The following PAPPA variants were observed in gnomAD, a reference collection of about 807,000 sequenced individuals.
The protein encoded by PAPPA is pappalysin-1.
Under a neutral mutation model 164.0 loss-of-function variants are expected in PAPPA, and 60 were observed. That is an observed-to-expected ratio of 0.37 (90% confidence interval 0.30 to 0.45). The LOEUF (loss-of-function observed/expected upper bound fraction) is 0.45, where lower values mean the gene tolerates loss of function less well. Ranked by LOEUF, PAPPA falls within the 20% of genes least tolerant of loss-of-function variation. PAPPA has a pLI of 1.00. For synonymous variants in PAPPA, 875 were observed against 814.1 expected, an observed-to-expected ratio of 1.07 and a Z score of -1.27; for missense variants, 1,782 against 2,087.3, an observed-to-expected ratio of 0.85 and a Z score of 2.85.
chr9:116,374,221 A>C (rs1448128938), intron 19 of PAPPA, among the ~76,000 whole-genome samples: 1 of 148,028 alleles, frequency 6.8e-6, no homozygotes, highest in Non-Finnish European at 1.5e-5. Context: ...GGTGCTGATG[A>C]TGATGACAGT....
At chr9:116,332,918 G>A (rs180806764) in intron 12 of PAPPA, 1 of 155,540 alleles carries the variant, frequency 6.4e-6, no homozygotes, top group East Asian at 1.9e-4. Context: ...GAGTGTTCAT[G>A]ACCCTCCACC....
At chr9:116,393,578 G>A (rs1345962475) in intron 21 of PAPPA, among the ~76,000 whole-genome samples, 1 of 152,152 alleles carries the variant, frequency 6.6e-6, no homozygotes, top group Non-Finnish European at 1.5e-5. Flanking sequence ...ATGGTATGAA[G>A]GTGATGGTGC....
intron 9 of PAPPA, among the ~76,000 whole-genome samples, chr9:116,285,574 C>T: frequency 6.6e-6 from 1 of 152,156 alleles, no homozygotes; most frequent in East Asian, 1.9e-4. Context: ...GGTGTTGCCT[C>T]CTAAGGGAAA....
intron 15 of PAPPA, among the ~76,000 whole-genome samples, chr9:116,351,287 A>C (rs1295985017): frequency 6.6e-6 from 1 of 152,234 alleles, no homozygotes; most frequent in Non-Finnish European, 1.5e-5. Context: ...TGTTGAATGA[A>C]TGAAGACTTC....
At chr9:116,171,315 G>A (rs1352688491) in intron 1 of PAPPA, among the ~76,000 whole-genome samples, 1 of 152,158 alleles carries the variant, frequency 6.6e-6, no homozygotes, top group Non-Finnish European at 1.5e-5. Flanking sequence ...GAATGCCCTT[G>A]TGGCATGGGG....
rs758709651 is a variant in PAPPA, at chr9:116,188,245, A to C, written c.1478+29A>C. On this transcript the variant is annotated intron_variant, in intron 2 of 21. Coordinates refer to ENST00000328252, the MANE Select transcript of PAPPA (RefSeq NM_002581.5). The stretch of plus-strand genomic sequence containing the variant: ...AGACCTTACTGGGCTAAAGATGCCC[A>C]GTTGAAAGTTGAACTTGATGTCCTC... 2.5e-5 allele frequency: 38 copies of C among 1,517,744 alleles called. No homozygotes were observed. The East Asian group carries it at 8.7e-4, about 35-fold the overall frequency. The allele number at this position is 1,517,744 out of a possible 1,614,324, so 94.0% of individuals were successfully genotyped here. A position where few individuals can be genotyped will look rare whatever the true frequency, so the allele number is the denominator to read the frequency against.
At chr9:116,162,666 G>C (rs1843681789) in intron 1 of PAPPA, among the ~76,000 whole-genome samples, 2 of 152,158 alleles carry the variant, frequency 1.3e-5, no homozygotes, top group South Asian at 4.1e-4. Context: ...GATTAACTGG[G>C]CCTCCATGTG....
intron 9 of PAPPA, chr9:116,287,620 A>G (rs745985010): frequency 2.6e-5 from 4 of 152,232 alleles, no homozygotes; most frequent in Non-Finnish European, 5.9e-5. Flanking sequence ...ATAACTCAGT[A>G]TCTTCTAGGG....
intron 10 of PAPPA, among the ~76,000 whole-genome samples, chr9:116,329,236 T>C (rs1047404361): frequency 2.6e-5 from 4 of 152,112 alleles, no homozygotes; most frequent in African/African-American, 7.2e-5. Flanking sequence ...TCATAGAAAA[T>C]TCAGACCTGG....
In PAPPA at chr9:116,227,589, G is replaced by T. The variant is rs375321312; in HGVS notation, c.2233+37G>T. 1.2e-5 allele frequency: 19 copies of T among 1,611,162 alleles called. No homozygotes were observed. The African/African-American group carries it at 1.7e-4, about 15-fold the overall frequency. ...TTCTGGAAGCTCATTGACAGGAGGA[G>T]TGTGCAAAGAACAGCTCTTTCAATG... On this transcript the variant is annotated intron_variant, in intron 6 of 21. Transcript: ENST00000328252.
intron 21 of PAPPA, 25 bp downstream of exon 21, chr9:116,382,518 A>C (rs779815288): frequency 1.4e-6 from 2 of 1,414,048 alleles, no homozygotes; most frequent in South Asian, 2.3e-5. Flanking sequence ...ACTCCTCGGC[A>C]GCTGCCTCCT....
At chr9:116,367,549 G>A in intron 18 of PAPPA, 96 bp from the exon 19 acceptor site, 1 of 868,554 alleles carries the variant, frequency 1.2e-6, no homozygotes, top group Non-Finnish European at 1.9e-6. Context: ...AGTCCACCAG[G>A]GACCAGGGAG....
intron 2 of PAPPA, among the ~76,000 whole-genome samples, chr9:116,194,232 C>T: frequency 6.6e-6 from 1 of 152,216 alleles, no homozygotes; most frequent in East Asian, 1.9e-4. Context: ...CTTTTAATCT[C>T]TCTGAGCCTC....
intron 17 of PAPPA, among the ~76,000 whole-genome samples, chr9:116,358,437 C>T (rs941978550): frequency 1.3e-5 from 2 of 152,190 alleles, no homozygotes; most frequent in East Asian, 1.9e-4. Flanking sequence ...GAGATGAGCA[C>T]GTTAGATTGA....
At chr9:116,183,179 T>A (rs2118617843) in intron 1 of PAPPA, among the ~76,000 whole-genome samples, 2 of 151,924 alleles carry the variant, frequency 1.3e-5, no homozygotes, top group Middle Eastern at 3.4e-3. Context: ...GACGTGGGGG[T>A]TCTTTTGTGT....
At chr9:116,341,034 A>ATTTG (rs754171658) in intron 13 of PAPPA, among the ~76,000 whole-genome samples, 1 of 148,168 alleles carries the variant, frequency 6.7e-6, no homozygotes, top group Non-Finnish European at 1.5e-5. Flanking sequence ...TTTTTGTTTT[A>ATTTG]TTTATTTATT....
intron 9 of PAPPA, among the ~76,000 whole-genome samples, chr9:116,278,274 G>T (rs1319699210): frequency 6.6e-6 from 1 of 152,186 alleles, no homozygotes; most frequent in Non-Finnish European, 1.5e-5. Context: ...GCACCATTTT[G>T]CTGGTCAGAA....
chr9:116,161,337 T>G (rs1485430688), intron 1 of PAPPA, among the ~76,000 whole-genome samples: 1 of 152,198 alleles, frequency 6.6e-6, no homozygotes, highest in Admixed American at 6.5e-5. Context: ...GTTCTCAGGA[T>G]GCAAAAGGAG....
chr9:116,351,848 C>T (rs1284514386), intron 15 of PAPPA, among the ~76,000 whole-genome samples: 1 of 152,160 alleles, frequency 6.6e-6, no homozygotes, highest in Non-Finnish European at 1.5e-5. Context: ...CCCGAGCCCC[C>T]GACATGTTTC....
Sources: allele counts gnomAD v4.1 joint callset (sites outside exome capture counted in the v4.1 genomes callset), GRCh38; gene constraint gnomAD v4.1.1; transcripts MANE v1.5; gene names NCBI Gene and HGNC (gene_info 2026-07-23, HGNC 2026-07-21).